Variants in HOOK2 observed in about 807,000 individuals in gnomAD.
HOOK2 encodes the protein protein Hook homolog 2.
HOOK2 carries 108 observed loss-of-function variants against 111.9 expected under a neutral mutation model. That is an observed-to-expected ratio of 0.96 (90% CI 0.83 to 1.13). The LOEUF (loss-of-function observed/expected upper bound fraction) is 1.13. Ranked by LOEUF, HOOK2 falls within the 50% of genes most tolerant of loss-of-function variation. HOOK2 has a pLI of 0.00. For synonymous variants in HOOK2, 405 were observed against 394.3 expected (o/e 1.03, Z -0.32); for missense variants, 978 against 951.3 (o/e 1.03, Z -0.37).
At chr19:12,769,004 C>T (rs1347825519) in intron 11 of HOOK2, among the ~76,000 whole-genome samples, 2 of 143,228 alleles carry the variant, frequency 1.4e-5, no homozygotes, top group African/African-American at 2.6e-5. Flanking sequence ...CTTGCTCTGT[C>T]GCCCAGCCTG....
chr19:12,790,223 T>A lies in HOOK2; in HGVS notation n.42-15998A>T, dbSNP rs1249107515. Among the ~76,000 whole-genome samples, 1 of 152,120 alleles carries A rather than the reference T, an allele frequency of 6.6e-6. No individual in the cohort carries two copies. ...CTCCGCGGGGGCTCGCACGCCCAGG[T>A]TCCTCTTCCGAGGCGCAGGATGCGG... On this transcript the variant is annotated intron_variant and non_coding_transcript_variant, in intron 3 of 3. Transcript: ENST00000589765. This position sits in a 1 kb window ranked among gnomAD's most constrained non-coding sequence, Gnocchi z 7.2.
chr19:12,770,142 G>C, intron 10 of HOOK2, 60 bp from the exon 11 acceptor site: 1 of 1,377,280 alleles, frequency 7.3e-7, no homozygotes, highest in Admixed American at 2.8e-5. Flanking sequence ...CAGCTGGGAT[G>C]TGGAGTGGCC....
chr19:12,779,553 G>C (rs1243174425), upstream of HOOK2, among the ~76,000 whole-genome samples: 1 of 152,126 alleles, frequency 6.6e-6, no homozygotes, highest in Non-Finnish European at 1.5e-5. Context: ...AAAGGGTTTT[G>C]CTATGTTGCC....
rs769777017 is a variant in HOOK2 at position 12,791,882 on chromosome 19, G to A, written n.42-17657C>T. 1.2e-6 allele frequency: 2 copies of A among 1,613,426 alleles called. No individual in the cohort carries two copies. The highest frequency in any genetic ancestry group is 1.7e-6 in the Non-Finnish European group (2 of 1,179,892). Reference sequence around the variant, plus strand: ...TACACGACTACAAACTCCTGAAACCGAGCCTGGCGGTCAACCTGGCCGACC... The same window carrying A: ...TACACGACTACAAACTCCTGAAACCAAGCCTGGCGGTCAACCTGGCCGACC... On this transcript the variant is annotated intron_variant and non_coding_transcript_variant, in intron 3 of 3. Transcript: ENST00000589765. This position sits in a 1 kb window ranked among gnomAD's most constrained non-coding sequence, Gnocchi z 7.0.
intron 14 of HOOK2, chr19:12,766,552 C>T (rs921847401): frequency 5.4e-5 from 20 of 373,492 alleles, no homozygotes; most frequent in Non-Finnish European, 7.7e-5. Context: ...GACAGTTTTT[C>T]GGGGTTTTTT....
chr19:12,774,526 T>A (rs1968434415), intron 3 of HOOK2, 143 bp downstream of exon 3: 1 of 795,738 alleles, frequency 1.3e-6, no homozygotes, highest in Admixed American at 2.0e-5. Context: ...GGGTGAGTAC[T>A]CCATAGATGA....
intron 3 of HOOK2, chr19:12,792,112 G>C: frequency 6.2e-7 from 1 of 1,600,066 alleles, no homozygotes; most frequent in Non-Finnish European, 8.5e-7. Context: ...TACCCCCGCG[G>C]GGGTGGCAGC....
chr19:12,790,939 C>T lies in HOOK2; in HGVS notation n.42-16714G>A, dbSNP rs1015377409. ...CTTTTGATCTCTCCCCTCCTCCGTCCTGTGAAAATTCCAGTCCCGCATCCT... is the reference window on the plus strand; with the variant it reads ...CTTTTGATCTCTCCCCTCCTCCGTCTTGTGAAAATTCCAGTCCCGCATCCT... On this transcript the variant is annotated intron_variant and non_coding_transcript_variant, in intron 3 of 3. Transcript: ENST00000589765. This position sits in a 1 kb window ranked among gnomAD's most constrained non-coding sequence, Gnocchi z 7.2. Among the ~76,000 whole-genome samples the T allele has an allele frequency of 6.6e-5, 10 of 152,294 alleles. No homozygotes were observed. The East Asian group carries it at 1.9e-3, about 29-fold the overall frequency.
chr19:12,770,867 G>A (rs1968304432), intron 10 of HOOK2, 65 bp downstream of exon 10: 3 of 1,531,728 alleles, frequency 2.0e-6, no homozygotes, highest in African/African-American at 1.4e-5. Context: ...GGCATCAGAG[G>A]GGAACTCTGG....
At chr19:12,779,009 C>T (rs1968569312), upstream of HOOK2, among the ~76,000 whole-genome samples, 1 of 152,210 alleles carries the variant, frequency 6.6e-6, no homozygotes, top group East Asian at 1.9e-4. Context: ...AAACCCTCCA[C>T]ATTTTGGAAG....
chr19:12,785,802 C>T (rs552208560), intron 3 of HOOK2, among the ~76,000 whole-genome samples: 4 of 152,316 alleles, frequency 2.6e-5, no homozygotes, highest in Admixed American at 2.6e-4. Flanking sequence ...CCCAGTCTGT[C>T]TCTGCCCCAC....
rs1308119454 is a variant in HOOK2 at position 12,790,842 on chromosome 19, G to C, written n.42-16617C>G. 6.6e-6 allele frequency among the ~76,000 whole-genome samples: 1 copy of C among 152,144 alleles called. No homozygotes were observed. Among genetic ancestry groups the C allele is most frequent in the East Asian group, 1.9e-4 (1 of 5,194 alleles). On this transcript the variant is annotated intron_variant and non_coding_transcript_variant, in intron 3 of 3. Transcript: ENST00000589765. The surrounding 1 kb of genome is among the most constrained non-coding windows in gnomAD (Gnocchi z 7.2). ...GGGAGAGCCTCAGACTCTGGACTCA[G>C]CTCCCATGAGCTCCTGGACCCCTAC...
At chr19:12,765,392 CT>C in intron 18 of HOOK2, 1 of 585,768 alleles carries the variant, frequency 1.7e-6, no homozygotes, top group South Asian at 2.0e-5. Context: ...CTCTCAAGCA[CT>C]CCATCCAGCA....
At chr19:12,772,103 G>A in intron 7 of HOOK2, 87 bp downstream of exon 7, 2 of 1,002,430 alleles carry the variant, frequency 2.0e-6, no homozygotes, top group Admixed American at 1.8e-5. Context: ...AAGTCACAAG[G>A]TTAATCACAG....
At chr19:12,765,183 C>T (rs1968111727) in intron 18 of HOOK2, 102 bp from the exon 19 acceptor site, 1 of 1,137,972 alleles carries the variant, frequency 8.8e-7, no homozygotes, top group South Asian at 1.3e-5. Context: ...AATGCCCCTA[C>T]ATGGCCACAG....
chr19:12,772,642 G>A lies in HOOK2; in HGVS notation c.427C>T (p.Gln143Ter). ...TGGATGGCTTCCATCACCACATGCT[G>A]AACCGATTCTTCCAGCGTCATGATT... ...QRIMTLEESV[Q>*]HVVMEAIQEL... The change falls in exon 6 of 23, where the codon CAG becomes TAG. Residue 143 changes from glutamine (Q) to a stop codon, truncating the protein, a stop_gained. Coordinates refer to ENST00000397668, the MANE Select transcript of HOOK2 (RefSeq NM_013312.3). LOFTEE classifies it high-confidence loss of function. The A allele has an allele frequency of 6.2e-7, 1 of 1,614,192 alleles. No individual in the cohort carries two copies. Among genetic ancestry groups the A allele is most frequent in the Non-Finnish European group, 8.5e-7 (1 of 1,180,028 alleles).
intron 13 of HOOK2, 39 bp from the exon 14 acceptor site, chr19:12,767,503 C>T (rs1298274084): frequency 6.6e-7 from 1 of 1,514,104 alleles, no homozygotes; most frequent in Admixed American, 1.7e-5. Context: ...CTCTTCGCAT[C>T]CCCTGTCCCC....
At chr19:12,764,293 C>T (rs996025745) in intron 20 of HOOK2, 1 of 152,862 alleles carries the variant, frequency 6.5e-6, no homozygotes, top group Non-Finnish European at 1.4e-5. Context: ...GGATTAGCGG[C>T]GTGAGCCACT....
upstream of HOOK2, among the ~76,000 whole-genome samples, chr19:12,779,361 C>T (rs1968573306): frequency 6.6e-6 from 1 of 152,164 alleles, no homozygotes; most frequent in Non-Finnish European, 1.5e-5. Context: ...CTCTGCCACT[C>T]CCCTGGCTGA....
Sources: allele counts gnomAD v4.1 joint callset (sites outside exome capture counted in the v4.1 genomes callset), GRCh38; gene constraint gnomAD v4.1.1; non-coding constraint Gnocchi (gnomAD v3.1); transcripts MANE v1.5; gene names NCBI Gene and HGNC (gene_info 2026-07-23, HGNC 2026-07-21).